The following CAPN3 variants were observed in gnomAD, a reference collection of about 807,000 sequenced individuals.
CAPN3 encodes the protein calpain 3.
A neutral mutation model predicts 114.0 loss-of-function variants in CAPN3; 88 were observed. The observed-to-expected ratio is 0.77, with a 90% CI of 0.65 to 0.92. The LOEUF (loss-of-function observed/expected upper bound fraction) is 0.92. CAPN3 is among the 40% of genes least tolerant of loss of function. The pLI is 0.00. For missense variants in CAPN3, 1,028 were observed against 1,069.0 expected (o/e 0.96, Z 0.53); for synonymous variants, 386 against 382.9 (o/e 1.01, Z -0.09).
chr15:42,396,939 G>C, intron 9 of CAPN3, 62 bp downstream of exon 9: 1 of 1,210,374 alleles, frequency 8.3e-7, no homozygotes, highest in South Asian at 1.2e-5. Flanking sequence ...GGAAATCTCA[G>C]ACCTCAGTCC....
chr15:42,365,243 T>G (rs757683045), intron 1 of CAPN3, among the ~76,000 whole-genome samples: 1 of 152,226 alleles, frequency 6.6e-6, no homozygotes. Flanking sequence ...CAGCATGGTC[T>G]CAGTGTTTCT....
At chr15:42,370,237 C>G (rs1425367412) in intron 1 of CAPN3, among the ~76,000 whole-genome samples, 1 of 152,148 alleles carries the variant, frequency 6.6e-6, no homozygotes, top group Non-Finnish European at 1.5e-5. Flanking sequence ...CTCTAATGAC[C>G]TCTTCCATGT....
Position 42,386,211 on chromosome 15 carries a change from C to G in CAPN3, c.424C>G (p.Gln142Glu). The G allele has an allele frequency of 6.2e-7, 1 of 1,614,158 alleles. No individual in the cohort carries two copies. The highest frequency in any genetic ancestry group is 8.5e-7 in the Non-Finnish European group (1 of 1,180,004). Residue 142 changes from glutamine (Q) to glutamate (E), a missense_variant, in exon 3 of 24, where the codon CAG becomes GAG. Coordinates refer to ENST00000397163, the MANE Select transcript of CAPN3 (RefSeq NM_000070.3). The part of the protein sequence containing the change: ...LAAIACLTLN[Q>E]HLLFRVIPHD... Reference sequence around the variant, plus strand: ...AGCCATTGCCTGCCTGACCCTGAACCAGCACCTTCTTTTCCGAGTCATACC... The same window carrying G: ...AGCCATTGCCTGCCTGACCCTGAACGAGCACCTTCTTTTCCGAGTCATACC...
Position 42,392,644 on chromosome 15 carries a change from C to T in CAPN3, c.951C>T (p.Ile317=), listed in dbSNP as rs775525936. The T allele has an allele frequency of 1.9e-6, 3 of 1,613,476 alleles. No homozygotes were observed. Among genetic ancestry groups the T allele is most frequent in the East Asian group, 2.2e-5 (1 of 44,876 alleles). ...CTCTGGTTACTGCTCTACAGACAATCATTCCGGTTCAGTATGAGACAAGAA... is the reference window on the plus strand; with the variant it reads ...CTCTGGTTACTGCTCTACAGACAATTATTCCGGTTCAGTATGAGACAAGAA... ...RGSDERPTRT[I]IPVQYETRMA... The change falls in exon 7 of 24, where the codon ATC becomes ATT. Residue 317 remains isoleucine, a synonymous_variant. Transcript: ENST00000397163.
chr15:42,391,308 G>T (rs1011539668), intron 6 of CAPN3, among the ~76,000 whole-genome samples: 7 of 152,074 alleles, frequency 4.6e-5, no homozygotes, highest in Non-Finnish European at 7.4e-5. Flanking sequence ...TACATCCATG[G>T]TGACTTCCAT....
intron 15 of CAPN3, among the ~76,000 whole-genome samples, chr15:42,406,614 C>A (rs889245550): frequency 6.6e-6 from 1 of 152,100 alleles, no homozygotes; most frequent in Admixed American, 6.6e-5. Context: ...AGGAACAGAA[C>A]TAATGAGTGG....
chr15:42,409,030 C>T (rs1410268965), intron 16 of CAPN3: 1 of 506,122 alleles, frequency 2.0e-6, no homozygotes, highest in South Asian at 2.0e-5. Context: ...GTGGAGGGGG[C>T]TCTTGCAGGT....
At chr15:42,400,170 C>T (rs576158445) in intron 10 of CAPN3, among the ~76,000 whole-genome samples, 1 of 152,310 alleles carries the variant, frequency 6.6e-6, no homozygotes, top group African/African-American at 2.4e-5. Flanking sequence ...ATCTCTTTCA[C>T]ATTGTAAAGT....
Position 42,379,661 on chromosome 15 carries a change from T to C in CAPN3, c.310-4822T>C, listed in dbSNP as rs113124695. ...TAAGATTGTATGTCTTCTTGGAAAATTGACCAATTGACCTTTTCATCTATA... is the reference window on the plus strand; with the variant it reads ...TAAGATTGTATGTCTTCTTGGAAAACTGACCAATTGACCTTTTCATCTATA... On this transcript the variant is annotated intron_variant, in intron 1 of 23. Coordinates refer to ENST00000397163, the MANE Select transcript of CAPN3 (RefSeq NM_000070.3). 8.1e-3 allele frequency among the ~76,000 whole-genome samples: 1,230 copies of C among 152,338 alleles called. 10 individuals carry two copies. Among genetic ancestry groups the C allele is most frequent in the Middle Eastern group, 0.037 (11 of 294 alleles).
chr15:42,408,231 C>T lies in CAPN3; in HGVS notation c.1821C>T (p.Asp607=). The change falls in exon 16 of 24, where the codon GAC becomes GAT. Residue 607 remains aspartate, a synonymous_variant. Transcript: ENST00000397163. ...KKTKPIIFVS[D]RANSNKELGV... is the part of the protein sequence containing the mutation. Reference sequence around the variant, plus strand: ...TCCAGCCCATCATCTTCGTTTCGGACAGAGCAAACAGCAACAAGGAGCTGG... The same window carrying T: ...TCCAGCCCATCATCTTCGTTTCGGATAGAGCAAACAGCAACAAGGAGCTGG... The T allele has an allele frequency of 1.9e-6, 3 of 1,613,474 alleles. No individual in the cohort carries two copies. Among genetic ancestry groups the T allele is most frequent in the Non-Finnish European group, 2.5e-6 (3 of 1,179,622 alleles).
At chr15:42,398,444 T>C (rs1448146463) in intron 9 of CAPN3, among the ~76,000 whole-genome samples, 1 of 151,614 alleles carries the variant, frequency 6.6e-6, no homozygotes, top group Non-Finnish European at 1.5e-5. Context: ...ATTAGCCAGG[T>C]GTGGTGGTGT....
chr15:42,381,587 C>G (rs1294993336), intron 1 of CAPN3, among the ~76,000 whole-genome samples: 1 of 152,188 alleles, frequency 6.6e-6, no homozygotes, highest in African/African-American at 2.4e-5. Context: ...GTCGCCCAAG[C>G]TGGAGTGCAG....
At position 42,399,584 on chromosome 15, in the gene CAPN3, G is replaced by A. The variant is rs1162509315; in HGVS notation, c.1286G>A (p.Trp429Ter). ...DALQSDKLQT[W>*]TVSVNEGRWV... ...CTGCAGTCTGACAAGCTTCAGACCT[G>A]GACAGTGTCTGTGAACGAGGGCCGC... The change falls in exon 10 of 24, where the codon TGG becomes TAG. Residue 429 changes from tryptophan to a stop codon, truncating the protein, a stop_gained. Transcript: ENST00000397163. LOFTEE classifies it high-confidence loss of function. 1.9e-6 allele frequency: 3 copies of A among 1,613,788 alleles called. No homozygotes were observed. The highest frequency in any genetic ancestry group is 2.5e-6 in the Non-Finnish European group (3 of 1,179,830).
chr15:42,390,794 T>TG (rs2053533354), intron 6 of CAPN3, among the ~76,000 whole-genome samples: 2 of 147,008 alleles, frequency 1.4e-5, no homozygotes, highest in African/African-American at 5.3e-5. Flanking sequence ...TTTTTTGTTT[T>TG]TTTTTTTTTT....
intron 13 of CAPN3, 61 bp downstream of exon 13, chr15:42,403,063 T>G: frequency 7.0e-7 from 1 of 1,437,388 alleles, no homozygotes; most frequent in Admixed American, 1.7e-5. Context: ...ACTCCAGAGG[T>G]TGAAGGCATG....
At chr15:42,361,420 G>A (rs1339993835) in intron 1 of CAPN3, among the ~76,000 whole-genome samples, 3 of 152,100 alleles carry the variant, frequency 2.0e-5, no homozygotes, top group Non-Finnish European at 2.9e-5. Context: ...GCAGTGAGCC[G>A]AGATCATGCC....
intron 9 of CAPN3, among the ~76,000 whole-genome samples, chr15:42,399,124 G>T (rs2053791978): frequency 6.6e-6 from 1 of 151,922 alleles, no homozygotes; most frequent in African/African-American, 2.4e-5. Context: ...CTGTATTTTT[G>T]TATCCATTAG....
chr15:42,411,608 C>A, intron 23 of CAPN3, 139 bp from the exon 24 acceptor site: 1 of 746,728 alleles, frequency 1.3e-6, no homozygotes. Flanking sequence ...AACAGTAAGC[C>A]ACTGCTTCTT....
chr15:42,409,138 G>A (rs574709764), intron 16 of CAPN3, 165 bp from the exon 17 acceptor site: 5 of 679,824 alleles, frequency 7.4e-6, no homozygotes, highest in East Asian at 2.7e-5. Flanking sequence ...CTGAGGCCTC[G>A]ATGCATCTCA....
Sources: allele counts gnomAD v4.1 joint callset (sites outside exome capture counted in the v4.1 genomes callset), GRCh38; gene constraint gnomAD v4.1.1; transcripts MANE v1.5; gene names NCBI Gene and HGNC (gene_info 2026-07-23, HGNC 2026-07-21).